GBP7: variants seen among roughly 807,000 people sequenced by gnomAD.
GBP7 encodes the protein guanylate binding protein 7.
Under a neutral mutation model 61.3 loss-of-function variants are expected in GBP7, and 43 were observed. The observed-to-expected ratio is 0.70, with a 90% CI of 0.55 to 0.91. GBP7 has a LOEUF of 0.91. Among genes scored for constraint, GBP7 ranks in the 40% least tolerant of loss-of-function variants. GBP7 has a pLI of 0.00. For synonymous variants in GBP7, 267 were observed against 271.0 expected, an observed-to-expected ratio of 0.99 and a Z score of 0.14; for missense variants, 717 against 740.5, an observed-to-expected ratio of 0.97 and a Z score of 0.37.
chr1:89,175,500 G>A (rs1177126555), intron 1 of GBP7, among the ~76,000 whole-genome samples: 2 of 152,152 alleles, frequency 1.3e-5, no homozygotes, highest in Non-Finnish European at 2.9e-5. Context: ...GCTCAGAAAG[G>A]TGGTGGCACA....
chr1:89,154,968 C>T (rs562695597), intron 3 of GBP7, among the ~76,000 whole-genome samples: 1 of 152,184 alleles, frequency 6.6e-6, no homozygotes, highest in South Asian at 2.1e-4. Flanking sequence ...CCGACTGACA[C>T]CTCAAACAGC....
Position 89,132,334 on chromosome 1 carries a change from G to C in GBP7, c.1732C>G (p.Leu578Val). The C allele has an allele frequency of 6.2e-7, 1 of 1,613,270 alleles. No homozygotes were observed. Among genetic ancestry groups the C allele is most frequent in the South Asian group, 1.1e-5 (1 of 91,070 alleles). Reference protein sequence around the residue: ...FESLNEEINRLKEQIEAAENE... With the variant: ...FESLNEEINRVKEQIEAAENE... The stretch of plus-strand genomic sequence containing the variant: ...TCAGCTGCTTCAATTTGTTCTTTCA[G>C]TCGATTAATCTCTTCATTTAACGAC... The change falls in exon 11 of 11, where the codon CTG becomes GTG. Residue 578 changes from leucine to valine, a missense_variant. Physicochemically the swap from Leu to Val is conservative, Grantham distance 32 (BLOSUM62 1). This residue lies in a region of GBP7 where 312 missense variants were observed against 310.1 expected (regional missense o/e 1.01). Coordinates refer to ENST00000294671, the MANE Select transcript of GBP7 (RefSeq NM_207398.3).
intron 10 of GBP7, among the ~76,000 whole-genome samples, chr1:89,132,965 G>A (rs112333753): frequency 0.019 from 2,948 of 152,214 alleles, 88 homozygotes; most frequent in African/African-American, 0.067. Flanking sequence ...AGGGCTGGTG[G>A]ACTAAGGTCC....
At chr1:89,160,523 C>G (rs2100655149) in intron 3 of GBP7, among the ~76,000 whole-genome samples, 1 of 152,254 alleles carries the variant, frequency 6.6e-6, no homozygotes, top group Non-Finnish European at 1.5e-5. Flanking sequence ...TGACCTCTCT[C>G]TACTCAGTGT....
At chr1:89,147,129 C>T (rs143973131) in intron 8 of GBP7, among the ~76,000 whole-genome samples, 1 of 152,306 alleles carries the variant, frequency 6.6e-6, no homozygotes, top group Non-Finnish European at 1.5e-5. Context: ...TGCTCAATGT[C>T]TATGAACCAT....
intron 2 of GBP7, among the ~76,000 whole-genome samples, chr1:89,170,026 A>C (rs1647555463): frequency 1.3e-5 from 2 of 152,220 alleles, no homozygotes; most frequent in Non-Finnish European, 2.9e-5. Flanking sequence ...TCTTCCATGT[A>C]GTGAATCACT....
At position 89,152,663 on chromosome 1, in the gene GBP7, G is replaced by T. The variant is rs146370299; in HGVS notation, c.428+5C>A. 1.2e-6 allele frequency: 2 copies of T among 1,610,342 alleles called. No individual in the cohort carries two copies. Among genetic ancestry groups the T allele is most frequent in the African/African-American group, 2.7e-5 (2 of 74,684 alleles). On this transcript the variant is annotated splice_donor_5th_base_variant and intron_variant, in intron 4 of 10. Coordinates refer to ENST00000294671, the MANE Select transcript of GBP7 (RefSeq NM_207398.3). ...AACCTGGCTCTTCACTTCCTGGAAG[G>T]ATACTGCAGCTGCTCCAGGGCCTGG...
chr1:89,168,613 T>G (rs1462210012), intron 2 of GBP7, among the ~76,000 whole-genome samples: 1 of 152,056 alleles, frequency 6.6e-6, no homozygotes, highest in African/African-American at 2.4e-5. Flanking sequence ...CTGATTTTTT[T>G]TAAAAGGAAG....
intron 3 of GBP7, among the ~76,000 whole-genome samples, chr1:89,158,686 A>G (rs562526347): frequency 6.6e-6 from 1 of 152,338 alleles, no homozygotes; most frequent in African/African-American, 2.4e-5. Flanking sequence ...GAGAACTACA[A>G]ACCTCTGCTC....
At chr1:89,168,988 A>AAAAC (rs1553127074) in intron 2 of GBP7, among the ~76,000 whole-genome samples, 44 of 151,016 alleles carry the variant, frequency 2.9e-4, no homozygotes, top group African/African-American at 9.8e-4. Context: ...AAAAAAACAA[A>AAAAC]AAACAAAAAA....
intron 1 of GBP7, among the ~76,000 whole-genome samples, chr1:89,172,575 C>CT (rs1461430815): frequency 6.6e-6 from 1 of 151,908 alleles, no homozygotes; most frequent in Non-Finnish European, 1.5e-5. Context: ...TTTTCAGTGT[C>CT]TTGTATTAAG....
At chr1:89,140,056 C>T (rs889327163) in intron 9 of GBP7, among the ~76,000 whole-genome samples, 8 of 151,832 alleles carry the variant, frequency 5.3e-5, no homozygotes, top group Non-Finnish European at 8.8e-5. Context: ...TGTCCAACAA[C>T]GATAGACTGG....
chr1:89,133,277 A>G lies in GBP7; in HGVS notation c.1643T>C (p.Met548Thr), dbSNP rs746245070. ...RENYMRELRK[M>T]LSHKMKVLEE... ...ACTCACCTTCATCTTGTGACTCAAC[A>G]TCTTTCTCAGTTCTCTCATATAGTT... is the stretch of plus-strand genomic sequence containing the variant. The change falls in exon 10 of 11, where the codon ATG becomes ACG. Residue 548 changes from methionine (M) to threonine (T), a missense_variant. This residue lies in a region of GBP7 where 312 missense variants were observed against 310.1 expected (regional missense o/e 1.01). Coordinates refer to ENST00000294671, the MANE Select transcript of GBP7 (RefSeq NM_207398.3). The G allele has an allele frequency of 1.2e-6, 2 of 1,613,030 alleles. No homozygotes were observed. Among genetic ancestry groups the G allele is most frequent in the East Asian group, 2.2e-5 (1 of 44,868 alleles).
At chr1:89,156,746 A>G (rs1365511570) in intron 3 of GBP7, among the ~76,000 whole-genome samples, 5 of 152,220 alleles carry the variant, frequency 3.3e-5, no homozygotes, top group Admixed American at 3.3e-4. Context: ...AGACTCCCAC[A>G]CAATACTAAT....
intron 8 of GBP7, among the ~76,000 whole-genome samples, chr1:89,146,340 A>G (rs1187602740): frequency 6.6e-6 from 1 of 152,218 alleles, no homozygotes; most frequent in Admixed American, 6.5e-5. Context: ...GAGAAAACCC[A>G]GGAAATACTC....
At chr1:89,133,857 C>A (rs1194266337) in intron 9 of GBP7, among the ~76,000 whole-genome samples, 1 of 152,202 alleles carries the variant, frequency 6.6e-6, no homozygotes, top group Non-Finnish European at 1.5e-5. Context: ...TTGGTAGGGA[C>A]AGGACTCTGG....
intron 8 of GBP7, among the ~76,000 whole-genome samples, chr1:89,141,917 A>G (rs549248336): frequency 6.6e-6 from 1 of 152,136 alleles, no homozygotes; most frequent in Admixed American, 6.5e-5. Flanking sequence ...GGTGCAGACA[A>G]CCAGATTTCT....
intron 9 of GBP7, among the ~76,000 whole-genome samples, chr1:89,138,305 C>T (rs980307708): frequency 6.6e-6 from 1 of 151,708 alleles, no homozygotes. Flanking sequence ...TTAGTAAAAA[C>T]TATTCTAACA....
intron 3 of GBP7, among the ~76,000 whole-genome samples, chr1:89,158,803 T>A (rs191378172): frequency 6.6e-6 from 1 of 152,280 alleles, no homozygotes; most frequent in East Asian, 1.9e-4. Context: ...ATTTATAGAT[T>A]CAATGCCATC....
Sources: gnomAD v4.1 joint callset for allele counts (sites outside exome capture counted in the v4.1 genomes callset) on GRCh38, gnomAD v4.1.1 for gene constraint, gnomAD v4.1.1 regional missense constraint, MANE v1.5 for transcripts, NCBI Gene and HGNC (gene_info 2026-07-23, HGNC 2026-07-21) for gene names.